DYNC1H1: variants seen among roughly 807,000 people sequenced by gnomAD.
DYNC1H1 encodes the protein cytoplasmic dynein 1 heavy chain 1.
In DYNC1H1, 51 loss-of-function variants were observed where a neutral mutation model predicts 527.1. That is an observed-to-expected ratio of 0.10 (90% CI 0.08 to 0.12). DYNC1H1 has a LOEUF of 0.12. Ranked by LOEUF, DYNC1H1 falls within the 10% of genes least tolerant of loss-of-function variation. The probability of loss-of-function intolerance (pLI) is 1.00; values close to 1 mark genes in which losing one functional copy is unlikely to be tolerated. For missense variants in DYNC1H1, 2,771 were observed against 5,971.8 expected (o/e 0.46, Z 17.66); for synonymous variants, 2,189 against 2,278.8 (o/e 0.96, Z 1.12).
chr14:102,037,383 C>A (rs2048589514), intron 57 of DYNC1H1: 2 of 147,700 alleles, frequency 1.4e-5, no homozygotes, highest in Non-Finnish European at 3.0e-5. Context: ...GAGTTTGTGC[C>A]ACTGCACTCC....
In DYNC1H1 at chr14:102,044,399, G is replaced by A; in HGVS notation, c.12810G>A (p.Glu4270=). The A allele has an allele frequency of 3.7e-6, 6 of 1,614,212 alleles. No individual in the cohort carries two copies. Among genetic ancestry groups the A allele is most frequent in the Non-Finnish European group, 5.1e-6 (6 of 1,180,042 alleles). Residue 4270 remains glutamate (E), a synonymous_variant, in exon 71 of 78, where the codon GAG becomes GAA. Transcript: ENST00000360184. This position sits in a 1 kb window ranked among gnomAD's most constrained non-coding sequence, Gnocchi z 7.1. ...FDQRLLNTFL[E]RLFTTRSFDS... is the part of the protein sequence containing the mutation. ...AGCGTCTGCTCAACACCTTCCTGGA[G>A]CGCCTGTTCACAACCAGGAGTTTCG... is the stretch of plus-strand genomic sequence containing the variant.
At position 102,040,762 on chromosome 14, in the gene DYNC1H1, CTAGCCT is replaced by C. The variant is rs1452377646; in HGVS notation, c.11941+90_11941+95del. 2.7e-6 allele frequency: 4 copies of C among 1,476,700 alleles called. No homozygotes were observed. In the African/African-American group the frequency reaches 5.5e-5, roughly 20 times the overall value. The allele number at this position is 1,476,700 out of a possible 1,614,324, so 91.5% of individuals were successfully genotyped here. ...GATGCTTTCAAAAAACACAAAGTTA[CTAGCCT>C]GGGCAACATAGTAAGGCCCCATCTC... On this transcript the variant is annotated intron_variant, in intron 64 of 77. Coordinates refer to ENST00000360184, the MANE Select transcript of DYNC1H1 (RefSeq NM_001376.5).
rs568308187 is a variant in DYNC1H1 at position 101,985,418 on chromosome 14, G to A, written c.1462-269G>A. 2.6e-4 allele frequency among the ~76,000 whole-genome samples: 40 copies of A among 152,052 alleles called. No homozygotes were observed. In the South Asian group the frequency reaches 7.1e-3, roughly 27 times the overall value. On this transcript the variant is annotated intron_variant, in intron 7 of 77. Transcript: ENST00000360184. This position sits in a 1 kb window ranked among gnomAD's most constrained non-coding sequence, Gnocchi z 5.9. ...TGGCTCACTGCAACCTCTGCCTCCC[G>A]GGTTCAAGCGATTCTCCTGTCTCAA...
In DYNC1H1 at chr14:102,041,783, TC is replaced by T; in HGVS notation, c.12102+53del. On this transcript the variant is annotated intron_variant, in intron 65 of 77. Coordinates refer to ENST00000360184, the MANE Select transcript of DYNC1H1 (RefSeq NM_001376.5). The surrounding 1 kb of genome is among the most constrained non-coding windows in gnomAD (Gnocchi z 4.5). The stretch of plus-strand genomic sequence containing the variant: ...CTTCCCACGAGACTCCATGCCCACC[TC>T]CCCAGCCACAGGTGGCAGCAGCCCT... 1 of 1,611,608 alleles carries T rather than the reference TC, an allele frequency of 6.2e-7. No individual in the cohort carries two copies.
chr14:102,000,660 C>T (rs753517956), intron 18 of DYNC1H1: 38 of 506,964 alleles, frequency 7.5e-5, no homozygotes, highest in East Asian at 1.2e-4. Flanking sequence ...CTGCAACCTC[C>T]GCCTCCCGGG....
Position 102,042,351 on chromosome 14 carries a change from G to A in DYNC1H1, c.12276-33G>A. 1 of 1,614,188 alleles carries A rather than the reference G, an allele frequency of 6.2e-7. No individual in the cohort carries two copies. The highest frequency in any genetic ancestry group is 8.5e-7 in the Non-Finnish European group (1 of 1,180,040). ...CCCAGGCATTCAGGCAGGCAGCCTG[G>A]CATGCTGTGTGACTCTCACTTTGTG... On this transcript the variant is annotated intron_variant, in intron 67 of 77. Coordinates refer to ENST00000360184, the MANE Select transcript of DYNC1H1 (RefSeq NM_001376.5). The surrounding 1 kb of genome is among the most constrained non-coding windows in gnomAD (Gnocchi z 5.7).
At position 102,042,025 on chromosome 14, in the gene DYNC1H1, A is replaced by G. The variant is rs774809334; in HGVS notation, c.12115A>G (p.Thr4039Ala). 6 of 1,613,356 alleles carry G rather than the reference A, an allele frequency of 3.7e-6. No individual in the cohort carries two copies. Among genetic ancestry groups the G allele is most frequent in the Non-Finnish European group, 5.1e-6 (6 of 1,179,880 alleles). Residue 4039 changes from threonine to alanine, a missense_variant, in exon 66 of 78, where the codon ACT becomes GCT. Physicochemically the swap from Thr to Ala is moderately conservative, Grantham distance 58. Coordinates refer to ENST00000360184, the MANE Select transcript of DYNC1H1 (RefSeq NM_001376.5). The surrounding 1 kb of genome is among the most constrained non-coding windows in gnomAD (Gnocchi z 5.7). ...TCTTTGTTTGCAGGTGAAGCCCAAC[A>G]CTCCTGTCTTAATGTGCTCTGTGCC... is the stretch of plus-strand genomic sequence containing the variant. ...HIVGTEVKPN[T>A]PVLMCSVPGY...
Position 102,000,370 on chromosome 14 carries a change from C to G in DYNC1H1, c.4045C>G (p.Gln1349Glu). 5 of 1,614,132 alleles carry G rather than the reference C, an allele frequency of 3.1e-6. No homozygotes were observed. The highest frequency in any genetic ancestry group is 4.2e-6 in the Non-Finnish European group (5 of 1,180,028). ...VWEQIDQMKE[Q>E]PWVSVQPRKL... ...GGAGCAAATCGATCAGATGAAGGAG[C>G]AACCCTGGGTTTCAGTACAGCCTCG... The change falls in exon 18 of 78, where the codon CAA (glutamine) becomes GAA (glutamate). Residue 1349 changes from glutamine to glutamate, a missense_variant. This residue lies in a region of DYNC1H1 where 223 missense variants were observed against 462.5 expected (regional missense o/e 0.48). Coordinates refer to ENST00000360184, the MANE Select transcript of DYNC1H1 (RefSeq NM_001376.5).
chr14:102,040,794 T>G, intron 64 of DYNC1H1, 121 bp downstream of exon 64: 14 of 1,201,946 alleles, frequency 1.2e-5, no homozygotes, highest in Non-Finnish European at 1.6e-5. Context: ...GCCCCATCTC[T>G]ACAAAAAATA....
chr14:102,027,039 A>G lies in DYNC1H1; in HGVS notation c.8772-135A>G. ...GCATTCCTCCTGGACTTCACAAATA[A>G]CAGTTGCTCAGCAAATGTTTAATAT... On this transcript the variant is annotated intron_variant, in intron 44 of 77. Coordinates refer to ENST00000360184, the MANE Select transcript of DYNC1H1 (RefSeq NM_001376.5). This position sits in a 1 kb window ranked among gnomAD's most constrained non-coding sequence, Gnocchi z 7.7. 2 of 1,076,222 alleles carry G rather than the reference A, an allele frequency of 1.9e-6. No homozygotes were observed. The highest frequency in any genetic ancestry group is 2.9e-6 in the Non-Finnish European group (2 of 696,838). The allele number at this position is 1,076,222 out of a possible 1,614,324, so 66.7% of individuals were successfully genotyped here. A position where few individuals can be genotyped will look rare whatever the true frequency, so the allele number is the denominator to read the frequency against.
rs893558332 is a variant in DYNC1H1 at position 102,033,860 on chromosome 14, G to A, written c.10414-116G>A. 5 of 1,120,098 alleles carry A rather than the reference G, an allele frequency of 4.5e-6. No individual in the cohort carries two copies. In the African/African-American group the frequency reaches 6.1e-5, roughly 14 times the overall value. The allele number at this position is 1,120,098 out of a possible 1,614,324, so 69.4% of individuals were successfully genotyped here. ...TCCTCTGGGACTGTGAACAACTTGGGCACGTTTCTAACCCACCCAAAACCC... is the reference window on the plus strand; with the variant it reads ...TCCTCTGGGACTGTGAACAACTTGGACACGTTTCTAACCCACCCAAAACCC... On this transcript the variant is annotated intron_variant, in intron 54 of 77. Transcript: ENST00000360184. This position sits in a 1 kb window ranked among gnomAD's most constrained non-coding sequence, Gnocchi z 5.6.
chr14:102,034,200 G>A lies in DYNC1H1; in HGVS notation c.10626+12G>A, dbSNP rs751897147. On this transcript the variant is annotated intron_variant, in intron 55 of 77. Coordinates refer to ENST00000360184, the MANE Select transcript of DYNC1H1 (RefSeq NM_001376.5). The stretch of plus-strand genomic sequence containing the variant: ...AAGCCAACATCCAGGTGAGAATCAC[G>A]GGGAGTTCAAAAAGGATGTGCGAGC... 1.4e-5 allele frequency: 22 copies of A among 1,614,156 alleles called. 1 individual carries two copies. Among genetic ancestry groups the A allele is most frequent in the Non-Finnish European group, 1.8e-5 (21 of 1,180,038 alleles).
rs556448240 is a variant in DYNC1H1, at chr14:102,000,914, T to C, written c.4075-40T>C. 8 of 1,556,598 alleles carry C rather than the reference T, an allele frequency of 5.1e-6. No homozygotes were observed. In the African/African-American group the frequency reaches 5.4e-5, roughly 11 times the overall value. ...AGAAATATTTCACCATTTAAAGAAATGTTGGCAAGCTAAATAGCATCTTAT... is the reference window on the plus strand; with the variant it reads ...AGAAATATTTCACCATTTAAAGAAACGTTGGCAAGCTAAATAGCATCTTAT... On this transcript the variant is annotated intron_variant, in intron 18 of 77. Coordinates refer to ENST00000360184, the MANE Select transcript of DYNC1H1 (RefSeq NM_001376.5).
At chr14:102,028,304 G>T in intron 48 of DYNC1H1, 163 bp downstream of exon 48, 3 of 787,248 alleles carry the variant, frequency 3.8e-6, no homozygotes, top group Non-Finnish European at 6.2e-6. Context: ...TTGAACCCAG[G>T]AGTTCAAGAC....
At chr14:101,987,198 C>T (rs915790812) in intron 8 of DYNC1H1, among the ~76,000 whole-genome samples, 16 of 152,170 alleles carry the variant, frequency 1.1e-4, no homozygotes, top group African/African-American at 3.6e-4. Flanking sequence ...CCAGATTTAC[C>T]CATCAGAGGC....
rs1272854614 is a variant in DYNC1H1, at chr14:102,055,009, T to C, written c.*4446T>C. On this transcript the variant is annotated 3_prime_UTR_variant, in exon 78 of 78. Transcript: ENST00000360184. ...ACCCCACCCGGCCCAACCTTATTAT[T>C]ACTGAAGTCGCCTTGTTACACACAA... The C allele has an allele frequency of 6.6e-6, 1 of 152,298 alleles. No individual in the cohort carries two copies. Among genetic ancestry groups the C allele is most frequent in the Non-Finnish European group, 1.5e-5 (1 of 68,116 alleles). 9.4% of individuals were successfully genotyped at this position (152,298 alleles called of 1,614,324 possible).
rs1451451314 is a variant in DYNC1H1 at position 102,020,015 on chromosome 14, T to G, written c.8466T>G (p.Ile2822Met). The G allele has an allele frequency of 6.2e-7, 1 of 1,614,032 alleles. No individual in the cohort carries two copies. Among genetic ancestry groups the G allele is most frequent in the Non-Finnish European group, 8.5e-7 (1 of 1,180,030 alleles). ...AGACCCTGCCTGTTGAAGGCCTCAT[T>G]CGGATTTGGGCACATGAAGCTCTGC... The part of the protein sequence containing the change: ...PLETLPVEGL[I>M]RIWAHEALRL... Residue 2822 changes from isoleucine (I) to methionine (M), a missense_variant, in exon 42 of 78, where the codon ATT becomes ATG. Ile to Met is a conservative substitution (Grantham distance 10, BLOSUM62 1). Coordinates refer to ENST00000360184, the MANE Select transcript of DYNC1H1 (RefSeq NM_001376.5). The surrounding 1 kb of genome is among the most constrained non-coding windows in gnomAD (Gnocchi z 4.3).
chr14:102,009,749 G>A (rs924532490), intron 29 of DYNC1H1, 94 bp from the exon 30 acceptor site: 9 of 1,597,768 alleles, frequency 5.6e-6, no homozygotes, highest in African/African-American at 2.7e-5. Flanking sequence ...CTGGGAGAAC[G>A]AGAGCTTTGT....
chr14:101,995,140 A>T, intron 14 of DYNC1H1, 41 bp from the exon 15 acceptor site: 2 of 1,613,966 alleles, frequency 1.2e-6, no homozygotes, highest in Non-Finnish European at 8.5e-7. Context: ...CTACTGGTGA[A>T]CCCCAGCTCT....
Sources: allele counts gnomAD v4.1 joint callset (sites outside exome capture counted in the v4.1 genomes callset), GRCh38; gene constraint gnomAD v4.1.1; regional missense constraint gnomAD v4.1.1; non-coding constraint Gnocchi (gnomAD v3.1); transcripts MANE v1.5; gene names NCBI Gene and HGNC (gene_info 2026-07-23, HGNC 2026-07-21).